DOCK1: variants seen among roughly 807,000 people sequenced by gnomAD.
DOCK1 encodes the protein dedicator of cytokinesis protein 1.
In DOCK1, 138 loss-of-function variants were observed where a neutral mutation model predicts 262.7. The observed-to-expected ratio is 0.53, with a 90% CI of 0.46 to 0.61. The LOEUF is 0.61. Among genes scored for constraint, DOCK1 ranks in the 20% least tolerant of loss-of-function variants. The probability of loss-of-function intolerance (pLI) is 0.00; values close to 1 mark genes in which losing one functional copy is unlikely to be tolerated. For synonymous variants in DOCK1, 866 were observed against 867.4 expected (o/e 1.00, Z 0.03); for missense variants, 1,908 against 2,370.7 (o/e 0.80, Z 4.05).
intron 13 of DOCK1, among the ~76,000 whole-genome samples, chr10:127,019,247 C>T (rs909743749): frequency 1.3e-5 from 2 of 152,200 alleles, no homozygotes; most frequent in Non-Finnish European, 2.9e-5. Context: ...GTACGTTATA[C>T]TGGCATTCCT....
At chr10:127,138,358 GT>G (rs2050893425) in intron 27 of DOCK1, among the ~76,000 whole-genome samples, 1 of 152,126 alleles carries the variant, frequency 6.6e-6, no homozygotes, top group Non-Finnish European at 1.5e-5. Flanking sequence ...GCCTCATGGA[GT>G]AAAACAGAAA....
chr10:127,426,110 C>T (rs897170880), intron 47 of DOCK1, 99 bp downstream of exon 47: 3 of 1,555,968 alleles, frequency 1.9e-6, no homozygotes, highest in African/African-American at 1.4e-5. Context: ...CTCACATGTA[C>T]ACATGGTGCC....
At position 127,331,279 on chromosome 10, in the gene DOCK1, G is replaced by GT. The variant is rs879258619; in HGVS notation, c.3045-7718dup. Among the ~76,000 whole-genome samples the GT allele has an allele frequency of 8.8e-4, 133 of 151,834 alleles. No homozygotes were observed. In the Middle Eastern group the frequency reaches 0.01, roughly 12 times the overall value. ...AGTTTTTGTTGTTGTTGTTGTTTTT[G>GT]TTTTTTTTTGTTGTTGTTTTTAGAC... On this transcript the variant is annotated intron_variant, in intron 29 of 51. Coordinates refer to ENST00000623213, the MANE Select transcript of DOCK1 (RefSeq NM_001290223.2).
chr10:127,413,202 G>A (rs1266813648), intron 43 of DOCK1, among the ~76,000 whole-genome samples: 1 of 152,218 alleles, frequency 6.6e-6, no homozygotes, highest in Non-Finnish European at 1.5e-5. Flanking sequence ...ACACAAGGAG[G>A]TCAAGTGAGC....
chr10:127,085,011 C>T lies in DOCK1; in HGVS notation c.2446-21220C>T, dbSNP rs79098712. 9.0e-3 allele frequency among the ~76,000 whole-genome samples: 1,370 copies of T among 152,254 alleles called. 33 individuals are homozygous for T. Among genetic ancestry groups the T allele is most frequent in the African/African-American group, 0.031 (1,301 of 41,536 alleles). On this transcript the variant is annotated intron_variant, in intron 23 of 51. Transcript: ENST00000623213. ...TCGTTGTCCTCTGATTGAATCTCTG[C>T]GTTTTAGCCCATTGTCTTCCCAAAG...
intron 10 of DOCK1, chr10:127,000,918 G>A (rs1282535222): frequency 6.4e-6 from 1 of 155,810 alleles, no homozygotes; most frequent in Non-Finnish European, 1.4e-5. Flanking sequence ...CCACCGTGCT[G>A]GTGCTCTTCC....
intron 1 of DOCK1, among the ~76,000 whole-genome samples, chr10:126,924,779 T>G (rs2033549687): frequency 6.6e-6 from 1 of 152,202 alleles, no homozygotes; most frequent in South Asian, 2.1e-4. Context: ...CTGTGATTTA[T>G]AGACAGGCAC....
chr10:127,400,670 C>A (rs185730479), intron 38 of DOCK1, among the ~76,000 whole-genome samples: 3 of 152,194 alleles, frequency 2.0e-5, no homozygotes, highest in Admixed American at 2.0e-4. Flanking sequence ...CCGGAGAGCA[C>A]AGGTGGCTGG....
chr10:127,044,059 G>A (rs1165100930), intron 21 of DOCK1, among the ~76,000 whole-genome samples: 4 of 152,086 alleles, frequency 2.6e-5, no homozygotes, highest in African/African-American at 9.7e-5. Flanking sequence ...TTTTTATTGT[G>A]TGAGTTACAG....
intron 6 of DOCK1, among the ~76,000 whole-genome samples, chr10:126,996,042 A>G (rs2040165896): frequency 1.3e-5 from 2 of 152,000 alleles, no homozygotes; most frequent in Admixed American, 1.3e-4. Context: ...ATGGATGTAT[A>G]TGTGATTGCA....
chr10:127,196,144 C>T (rs1466339994), intron 27 of DOCK1: 2 of 151,748 alleles, frequency 1.3e-5, no homozygotes, highest in Admixed American at 6.6e-5. Context: ...GAGGAAGCCT[C>T]GGCTCCGGGG....
At chr10:127,259,837 A>G (rs879162515) in intron 29 of DOCK1, among the ~76,000 whole-genome samples, 33 of 149,620 alleles carry the variant, frequency 2.2e-4, no homozygotes, top group Middle Eastern at 3.2e-3. Context: ...CAGTTGGAAC[A>G]TCATAGCCGC....
chr10:127,229,299 G>A (rs140462870), intron 27 of DOCK1, among the ~76,000 whole-genome samples: 1 of 152,238 alleles, frequency 6.6e-6, no homozygotes, highest in East Asian at 1.9e-4. Flanking sequence ...GCAGTATATT[G>A]CTATTAACTG....
chr10:127,309,369 T>C (rs1336220755), intron 29 of DOCK1, among the ~76,000 whole-genome samples: 2 of 152,182 alleles, frequency 1.3e-5, no homozygotes, highest in African/African-American at 4.8e-5. Context: ...TTGCAAAAAT[T>C]TTCTCCCATT....
At position 126,998,517 on chromosome 10, in the gene DOCK1, T is replaced by A. The variant is rs566003998; in HGVS notation, c.767+268T>A. ...GTACACTCTGGCCGTATCTTAAGAG[T>A]GTAGCTGAAGATTGAAGTAATACTT... is the stretch of plus-strand genomic sequence containing the variant. On this transcript the variant is annotated intron_variant, in intron 8 of 51. Transcript: ENST00000623213. 2.9e-4 allele frequency: 99 copies of A among 346,076 alleles called. 3 individuals carry two copies. In the East Asian group the frequency reaches 4.3e-3, roughly 15 times the overall value. 21.4% of individuals were successfully genotyped at this position (346,076 alleles called of 1,614,324 possible).
At chr10:127,426,100 C>T (rs2068797074) in intron 47 of DOCK1, 89 bp downstream of exon 47, 1 of 1,580,262 alleles carries the variant, frequency 6.3e-7, no homozygotes, top group African/African-American at 1.3e-5. Flanking sequence ...AGCAGAGGAA[C>T]TCACATGTAC....
chr10:126,968,509 G>A (rs1057212143), intron 1 of DOCK1, among the ~76,000 whole-genome samples: 1 of 152,120 alleles, frequency 6.6e-6, no homozygotes, highest in African/African-American at 2.4e-5. Flanking sequence ...GCTTTCCACT[G>A]TCTGCTTTAG....
intron 1 of DOCK1, among the ~76,000 whole-genome samples, chr10:126,960,092 G>C (rs979862156): frequency 3.3e-5 from 5 of 152,172 alleles, no homozygotes; most frequent in Admixed American, 6.5e-5. Context: ...GCATTTATTT[G>C]CTTGAAGTAA....
chr10:127,246,292 T>C (rs768137625), intron 27 of DOCK1, among the ~76,000 whole-genome samples: 13 of 152,166 alleles, frequency 8.5e-5, no homozygotes, highest in Non-Finnish European at 1.6e-4. Flanking sequence ...GTGAAACCTC[T>C]AAGCCTCAGT....
Sources: allele counts gnomAD v4.1 joint callset (sites outside exome capture counted in the v4.1 genomes callset), GRCh38; gene constraint gnomAD v4.1.1; transcripts MANE v1.5; gene names NCBI Gene and HGNC (gene_info 2026-07-23, HGNC 2026-07-21).